Variants in LRP1B observed in about 807,000 individuals in gnomAD.
LRP1B encodes the protein LDL receptor related protein 1B, also known as low-density lipoprotein receptor-related protein 1B.
LRP1B carries 217 observed loss-of-function variants against 556.6 expected under a neutral mutation model. The ratio of observed to expected loss-of-function variants is 0.39; its 90% CI spans 0.35 to 0.44. The LOEUF (loss-of-function observed/expected upper bound fraction) is 0.44, where lower values mean the gene tolerates loss of function less well. Ranked by LOEUF, LRP1B falls within the 20% of genes least tolerant of loss-of-function variation. The probability of loss-of-function intolerance (pLI) is 1.00; values close to 1 mark genes in which losing one functional copy is unlikely to be tolerated. For missense variants in LRP1B, 5,053 were observed against 5,620.8 expected (o/e 0.90, Z 3.23); for synonymous variants, 2,047 against 1,865.8 (o/e 1.10, Z -2.50).
At position 142,127,586 on chromosome 2, in the gene LRP1B, A is replaced by G. The variant is rs187924692; in HGVS notation, c.82+3062T>C. Among the ~76,000 whole-genome samples the G allele has an allele frequency of 3.9e-5, 6 of 152,130 alleles. No individual in the cohort carries two copies. The East Asian group carries it at 1.2e-3, about 29-fold the overall frequency. On this transcript the variant is annotated intron_variant, in intron 1 of 90. Transcript: ENST00000389484. ...AATTTGAGCTTGAGAAGAGAGAAAG[A>G]GAACAAATTCAAAGATTAGCAACCT...
intron 1 of LRP1B, among the ~76,000 whole-genome samples, chr2:142,067,109 A>G (rs1419327250): frequency 1.3e-5 from 2 of 151,412 alleles, no homozygotes; most frequent in Non-Finnish European, 3.0e-5. Context: ...TCTGCTTCTG[A>G]CATCAAATCT....
At chr2:140,917,970 T>C (rs774268327) in intron 21 of LRP1B, among the ~76,000 whole-genome samples, 1 of 152,120 alleles carries the variant, frequency 6.6e-6, no homozygotes, top group Non-Finnish European at 1.5e-5. Context: ...GAAGTCTCTG[T>C]ACTTTCTGCT....
chr2:141,648,436 C>G (rs573110500), intron 2 of LRP1B, among the ~76,000 whole-genome samples: 1 of 152,312 alleles, frequency 6.6e-6, no homozygotes, highest in South Asian at 2.1e-4. Context: ...TCCCATGAAT[C>G]CTTTTCTAAT....
intron 3 of LRP1B, among the ~76,000 whole-genome samples, chr2:141,333,184 A>C (rs1444026654): frequency 6.6e-6 from 1 of 152,108 alleles, no homozygotes; most frequent in Non-Finnish European, 1.5e-5. Context: ...TAAGAGCAGC[A>C]TTTTTCTACA....
At chr2:141,197,259 G>A (rs1403706406) in intron 6 of LRP1B, among the ~76,000 whole-genome samples, 3 of 152,092 alleles carry the variant, frequency 2.0e-5, no homozygotes, top group Non-Finnish European at 4.4e-5. Flanking sequence ...CAGGCTCTAA[G>A]CTAATCCTCT....
intron 2 of LRP1B, among the ~76,000 whole-genome samples, chr2:141,776,492 T>G (rs549958901): frequency 6.6e-6 from 1 of 152,326 alleles, no homozygotes; most frequent in Admixed American, 6.5e-5. Flanking sequence ...CTCATTAAGC[T>G]CTATGTTCCT....
chr2:142,017,270 G>T (rs4662353), intron 1 of LRP1B, among the ~76,000 whole-genome samples: 49,499 of 151,922 alleles, frequency 0.33, 8,839 homozygotes, highest in Admixed American at 0.45. Context: ...CTTCTGCAAG[G>T]TATTTTCCCT....
intron 3 of LRP1B, among the ~76,000 whole-genome samples, chr2:141,441,888 T>C (rs1306103992): frequency 1.3e-5 from 2 of 152,224 alleles, no homozygotes; most frequent in African/African-American, 4.8e-5. Context: ...TCAAATCTGG[T>C]AATCAAGGTT....
intron 7 of LRP1B, among the ~76,000 whole-genome samples, chr2:141,084,966 A>T (rs997044070): frequency 1.1e-4 from 17 of 152,146 alleles, no homozygotes; most frequent in Non-Finnish European, 1.9e-4. Flanking sequence ...CTTAAATAAA[A>T]GCTTGTTATG....
intron 41 of LRP1B, among the ~76,000 whole-genome samples, chr2:140,605,041 T>C (rs1184080204): frequency 1.3e-5 from 2 of 152,134 alleles, no homozygotes; most frequent in African/African-American, 2.4e-5. Context: ...ATTAGCAGCA[T>C]GAGAACAGAC....
chr2:141,557,668 C>T (rs937685898), intron 2 of LRP1B, among the ~76,000 whole-genome samples: 4 of 151,812 alleles, frequency 2.6e-5, no homozygotes, highest in African/African-American at 9.7e-5. Flanking sequence ...TAGTGAGCCA[C>T]GAGAAAGAAG....
chr2:141,327,878 G>GAT (rs1687484595), intron 3 of LRP1B, among the ~76,000 whole-genome samples: 2 of 86,998 alleles, frequency 2.3e-5, no homozygotes, highest in Admixed American at 1.8e-4. Flanking sequence ...TAAAGAGTGA[G>GAT]AGAGAGAGAG....
chr2:141,659,806 G>A (rs1690146408), intron 2 of LRP1B, among the ~76,000 whole-genome samples: 1 of 152,096 alleles, frequency 6.6e-6, no homozygotes, highest in South Asian at 2.1e-4. Context: ...CATACAGGAA[G>A]CACTCAAAAC....
chr2:140,610,641 A>G (rs1683037485), intron 41 of LRP1B, among the ~76,000 whole-genome samples: 1 of 152,180 alleles, frequency 6.6e-6, no homozygotes, highest in African/African-American at 2.4e-5. Flanking sequence ...GCTGGAGTGC[A>G]GTGGTGCGAT....
At chr2:140,848,595 T>C (rs1006691355) in intron 29 of LRP1B, among the ~76,000 whole-genome samples, 1 of 152,212 alleles carries the variant, frequency 6.6e-6, no homozygotes, top group Admixed American at 6.5e-5. Context: ...ATGTCTGACT[T>C]TAAATTTTCA....
intron 6 of LRP1B, among the ~76,000 whole-genome samples, chr2:141,203,719 A>C (rs1682144140): frequency 6.6e-6 from 1 of 152,220 alleles, no homozygotes; most frequent in Non-Finnish European, 1.5e-5. Flanking sequence ...CCAAATCAAC[A>C]GAATATACAT....
chr2:140,485,291 T>A, intron 59 of LRP1B, 52 bp downstream of exon 59: 1 of 1,409,604 alleles, frequency 7.1e-7, no homozygotes, highest in Non-Finnish European at 9.8e-7. Context: ...GATTTACTAC[T>A]ATGAATGTAA....
chr2:142,074,016 C>A (rs1404840225), intron 1 of LRP1B, among the ~76,000 whole-genome samples: 1 of 152,012 alleles, frequency 6.6e-6, no homozygotes, highest in Non-Finnish European at 1.5e-5. Flanking sequence ...TCAGGTATTT[C>A]TTTACAGCAG....
intron 53 of LRP1B, among the ~76,000 whole-genome samples, chr2:140,505,109 TAC>T (rs1298478945): frequency 6.6e-6 from 1 of 152,220 alleles, no homozygotes; most frequent in African/African-American, 2.4e-5. Flanking sequence ...CATCTCAATT[TAC>T]AGTCTTTGTA....
Sources: allele counts gnomAD v4.1 joint callset (sites outside exome capture counted in the v4.1 genomes callset), GRCh38; gene constraint gnomAD v4.1.1; transcripts MANE v1.5; gene names NCBI Gene and HGNC (gene_info 2026-07-23, HGNC 2026-07-21).